SP3: variants seen among roughly 807,000 people sequenced by gnomAD.
The protein encoded by SP3 is Sp3 transcription factor, also known as transcription factor Sp3.
Under a neutral mutation model 70.3 loss-of-function variants are expected in SP3, and 10 were observed. The observed-to-expected ratio is 0.14, with a 90% confidence interval of 0.09 to 0.24. SP3 has a LOEUF of 0.24. Ranked by LOEUF, SP3 falls within the 10% of genes least tolerant of loss-of-function variation. The pLI is 1.00. For synonymous variants in SP3, 402 were observed against 333.5 expected (o/e 1.21, Z -2.24); for missense variants, 825 against 914.6 (o/e 0.90, Z 1.26).
At chr2:173,941,201 T>C (rs1198290515) in intron 4 of SP3, among the ~76,000 whole-genome samples, 2 of 151,826 alleles carry the variant, frequency 1.3e-5, no homozygotes, top group Non-Finnish European at 2.9e-5. Context: ...ATTCTACTCA[T>C]GCTTTCCTCC....
chr2:173,940,352 C>T lies in SP3; in HGVS notation c.1639+14521G>A, dbSNP rs556019830. On this transcript the variant is annotated intron_variant, in intron 4 of 6. Coordinates refer to ENST00000310015, the MANE Select transcript of SP3 (RefSeq NM_003111.5). ...TAAGGAGCTTGCAACCTAGATCCCT[C>T]GCATGTGCAATTCACAATAGGGTTC... is the stretch of plus-strand genomic sequence containing the variant. 2.6e-5 allele frequency among the ~76,000 whole-genome samples: 4 copies of T among 152,312 alleles called. No individual in the cohort carries two copies. The South Asian group carries it at 6.2e-4, about 24-fold the overall frequency.
chr2:173,956,532 CACAAA>C (rs1272899757), intron 3 of SP3, among the ~76,000 whole-genome samples: 2 of 152,122 alleles, frequency 1.3e-5, no homozygotes, highest in Non-Finnish European at 2.9e-5. Flanking sequence ...ACAGTTAAAA[CACAAA>C]ACAAAACAGT....
intron 2 of SP3, 121 bp downstream of exon 2, chr2:173,964,284 G>A (rs547006276): frequency 2.9e-4 from 153 of 520,318 alleles, no homozygotes; most frequent in African/African-American, 2.8e-3. Flanking sequence ...GGCGGGGGGA[G>A]GGGAGTGGAG....
chr2:173,960,158 A>C (rs922425517), intron 3 of SP3, among the ~76,000 whole-genome samples: 2 of 152,326 alleles, frequency 1.3e-5, no homozygotes, highest in East Asian at 3.9e-4. Context: ...AGACAAAGCG[A>C]GCCTTTCTCA....
intron 3 of SP3, among the ~76,000 whole-genome samples, chr2:173,961,901 TGCAGGTACCAG>T (rs1325863115): frequency 6.6e-6 from 1 of 150,982 alleles, no homozygotes; most frequent in Non-Finnish European, 1.5e-5. Context: ...AAATCTTGGG[TGCAGGTACCAG>T]ACATCATAAA....
rs551528634 is a variant in SP3, at chr2:173,938,034, C to T, written c.1639+16839G>A. Among the ~76,000 whole-genome samples the T allele has an allele frequency of 4.6e-5, 7 of 152,254 alleles. No individual in the cohort carries two copies. The South Asian group carries it at 6.2e-4, about 14-fold the overall frequency. On this transcript the variant is annotated intron_variant, in intron 4 of 6. Transcript: ENST00000310015. ...CATATGCACGTAAGACTAAACCTAACGTTCCTCTTGCTTCTCTTAGTTTCT... is the reference window on the plus strand; with the variant it reads ...CATATGCACGTAAGACTAAACCTAATGTTCCTCTTGCTTCTCTTAGTTTCT...
At chr2:173,944,198 G>A (rs932564769) in intron 4 of SP3, among the ~76,000 whole-genome samples, 4 of 152,164 alleles carry the variant, frequency 2.6e-5, no homozygotes, top group African/African-American at 4.8e-5. Context: ...GAGAATTTAT[G>A]AGATTTATGA....
At chr2:173,914,265 T>C (rs1421372095) in intron 5 of SP3, 1 of 152,026 alleles carries the variant, frequency 6.6e-6, no homozygotes, top group South Asian at 2.1e-4. Flanking sequence ...AACTTTACAA[T>C]GTTTCTGAGT....
intron 5 of SP3, among the ~76,000 whole-genome samples, chr2:173,918,343 G>A (rs1689662633): frequency 6.6e-6 from 1 of 151,956 alleles, no homozygotes; most frequent in Non-Finnish European, 1.5e-5. Context: ...TGATCAGTGT[G>A]GGCCTGTTAA....
At chr2:173,941,228 A>T in intron 4 of SP3, among the ~76,000 whole-genome samples, 1 of 152,096 alleles carries the variant, frequency 6.6e-6, no homozygotes, top group East Asian at 1.9e-4. Flanking sequence ...CTCTTAATGA[A>T]ACCACTTGTT....
chr2:173,957,915 T>C (rs1170892593), intron 3 of SP3, among the ~76,000 whole-genome samples: 1 of 152,172 alleles, frequency 6.6e-6, no homozygotes, highest in Non-Finnish European at 1.5e-5. Context: ...AAGTCACATG[T>C]CACTCTGCAA....
chr2:173,910,335 G>T (rs1376296614), intron 6 of SP3, 78 bp from the exon 7 acceptor site: 7 of 1,227,340 alleles, frequency 5.7e-6, no homozygotes, highest in Non-Finnish European at 8.2e-6. Context: ...AAAACAGAAA[G>T]TAAGTCAACG....
intron 4 of SP3, among the ~76,000 whole-genome samples, chr2:173,938,529 A>G (rs1029753892): frequency 6.6e-6 from 1 of 151,316 alleles, no homozygotes; most frequent in Admixed American, 6.6e-5. Flanking sequence ...ACACAAATCT[A>G]CGTTTATTCT....
rs563101189 is a variant in SP3 at position 173,932,238 on chromosome 2, C to T, written c.1640-13453G>A. Reference sequence around the variant, plus strand: ...ACAGAGTTTTGCTCTTTTGCCCAGGCTGGAGTACAATGGCGTGATCTCAGC... The same window carrying T: ...ACAGAGTTTTGCTCTTTTGCCCAGGTTGGAGTACAATGGCGTGATCTCAGC... On this transcript the variant is annotated intron_variant, in intron 4 of 6. Coordinates refer to ENST00000310015, the MANE Select transcript of SP3 (RefSeq NM_003111.5). 5.6e-4 allele frequency among the ~76,000 whole-genome samples: 85 copies of T among 152,324 alleles called. 1 individual carries two copies. The South Asian group carries it at 0.017, about 31-fold the overall frequency.
In SP3 at chr2:173,955,260, G is replaced by C; in HGVS notation, c.1252C>G (p.Pro418Ala). Residue 418 changes from proline to alanine, a missense_variant, in exon 4 of 7, where the codon CCA becomes GCA. Pro to Ala is a conservative substitution (Grantham distance 27). This residue lies in a region of SP3 where 678 missense variants were observed against 651.6 expected (regional missense o/e 1.04). Transcript: ENST00000310015. ...SQAQIVQGIT[P>A]QTIHGVQASG... is the part of the protein sequence containing the mutation. ...GCTTGCACACCATGGATTGTCTGTG[G>C]TGTAATACCTTGCACAATTTGGGCT... The C allele has an allele frequency of 6.2e-7, 1 of 1,614,122 alleles. No homozygotes were observed. Among genetic ancestry groups the C allele is most frequent in the Non-Finnish European group, 8.5e-7 (1 of 1,180,038 alleles).
At chr2:173,961,486 A>G (rs1691075105) in intron 3 of SP3, among the ~76,000 whole-genome samples, 1 of 152,230 alleles carries the variant, frequency 6.6e-6, no homozygotes, top group African/African-American at 2.4e-5. Context: ...GAAAATGGAC[A>G]TTAGTGGAAA....
At chr2:173,915,797 C>A (rs1022020034) in intron 5 of SP3, 4 of 152,048 alleles carry the variant, frequency 2.6e-5, no homozygotes, top group East Asian at 3.8e-4. Context: ...CTAGTTTAAA[C>A]AGTCTCTGAA....
intron 4 of SP3, among the ~76,000 whole-genome samples, chr2:173,925,093 G>A (rs1431730076): frequency 1.3e-5 from 2 of 152,140 alleles, no homozygotes; most frequent in Non-Finnish European, 2.9e-5. Flanking sequence ...TCGCCATGTT[G>A]GTCAGGCTGG....
In SP3 at chr2:173,907,318, C is replaced by CTAAT. The variant is rs1435561720; in HGVS notation, c.*2619_*2622dup. ...CCTACCCTGAGAATTATACACAATA[C>CTAAT]TAATAGGTTTTATAACCAGAAAAAG... On this transcript the variant is annotated 3_prime_UTR_variant, in exon 7 of 7. Transcript: ENST00000310015. 6.6e-6 allele frequency: 1 copy of CTAAT among 152,032 alleles called. No homozygotes were observed. Among genetic ancestry groups the CTAAT allele is most frequent in the Admixed American group, 6.6e-5 (1 of 15,258 alleles). The allele number at this position is 152,032 out of a possible 1,614,324, so 9.4% of individuals were successfully genotyped here.
Sources: gnomAD v4.1 joint callset for allele counts (sites outside exome capture counted in the v4.1 genomes callset) on GRCh38, gnomAD v4.1.1 for gene constraint, gnomAD v4.1.1 regional missense constraint, MANE v1.5 for transcripts, NCBI Gene and HGNC (gene_info 2026-07-23, HGNC 2026-07-21) for gene names.